Variants in SGCZ observed in about 807,000 individuals in gnomAD.
SGCZ encodes sarcoglycan zeta.
In SGCZ, 40 loss-of-function variants were observed where a neutral mutation model predicts 41.3. The ratio of observed to expected loss-of-function variants is 0.97; its 90% CI spans 0.75 to 1.26. The LOEUF is 1.26. Among genes scored for constraint, SGCZ ranks in the 50% most tolerant of loss-of-function variants. The probability of loss-of-function intolerance (pLI) is 0.00; values close to 1 mark genes in which losing one functional copy is unlikely to be tolerated. For missense variants in SGCZ, 552 were observed against 369.8 expected (o/e 1.49, Z -4.04); for synonymous variants, 206 against 137.5 (o/e 1.50, Z -3.49).
At chr8:14,961,220 AT>A (rs1443361271) in intron 1 of SGCZ, among the ~76,000 whole-genome samples, 4 of 152,022 alleles carry the variant, frequency 2.6e-5, no homozygotes, top group African/African-American at 9.7e-5. Flanking sequence ...TTTTATCAAT[AT>A]TTTTATTAGT....
At position 14,633,308 on chromosome 8, in the gene SGCZ, G is replaced by A. The variant is rs1470815240; in HGVS notation, c.40-78382C>T. On this transcript the variant is annotated intron_variant, in intron 1 of 7. Transcript: ENST00000382080. ...GGGACATAATGAGGTTTGAATTTTA[G>A]CATTCTCATTATTAGCACTGTGACT... 7.9e-5 allele frequency among the ~76,000 whole-genome samples: 12 copies of A among 151,974 alleles called. No individual in the cohort carries two copies. The East Asian group carries it at 2.3e-3, about 30-fold the overall frequency.
At chr8:14,632,828 T>C (rs1368045201) in intron 1 of SGCZ, among the ~76,000 whole-genome samples, 1 of 152,064 alleles carries the variant, frequency 6.6e-6, no homozygotes, top group Non-Finnish European at 1.5e-5. Context: ...TACAGCATTC[T>C]GCATAGAGGA....
intron 2 of SGCZ, among the ~76,000 whole-genome samples, chr8:14,491,140 A>G (rs36088270): frequency 0.48 from 72,377 of 151,654 alleles, 17,359 homozygotes; most frequent in Admixed American, 0.54. Flanking sequence ...GTTACTTTTG[A>G]CTATGTTTGG....
chr8:14,997,685 T>G (rs913545132), intron 1 of SGCZ, among the ~76,000 whole-genome samples: 8 of 152,102 alleles, frequency 5.3e-5, no homozygotes, highest in Admixed American at 6.6e-5. Flanking sequence ...CCTGGCAGGG[T>G]GCAGTGGCTC....
At chr8:14,245,157 T>C (rs1456153779) in intron 3 of SGCZ, among the ~76,000 whole-genome samples, 3 of 152,316 alleles carry the variant, frequency 2.0e-5, no homozygotes, top group East Asian at 3.9e-4. Context: ...AGAAAGGGCA[T>C]ACCTGTCTTG....
At chr8:14,268,552 C>A (rs1167235853) in intron 3 of SGCZ, among the ~76,000 whole-genome samples, 2 of 151,636 alleles carry the variant, frequency 1.3e-5, no homozygotes, top group African/African-American at 2.4e-5. Context: ...TGGTGGTCTG[C>A]GTATCGAAAT....
chr8:14,980,650 G>A (rs549457454), intron 1 of SGCZ, among the ~76,000 whole-genome samples: 7 of 152,224 alleles, frequency 4.6e-5, no homozygotes, highest in South Asian at 2.1e-4. Context: ...ATGCAGAAGC[G>A]GAAACCCCTG....
rs139606414 is a variant in SGCZ, at chr8:14,829,577, G to A, written c.40-274651C>T. 1.1e-4 allele frequency among the ~76,000 whole-genome samples: 16 copies of A among 152,238 alleles called. No individual in the cohort carries two copies. In the East Asian group the frequency reaches 2.9e-3, roughly 28 times the overall value. The stretch of plus-strand genomic sequence containing the variant: ...TGAACAAGAAATTAAGGTTGTTAAT[G>A]TAAATGATTCCTAAGTGCCTTAAAC... On this transcript the variant is annotated intron_variant, in intron 1 of 7. Transcript: ENST00000382080.
chr8:14,526,722 T>C (rs1802960788), intron 2 of SGCZ, among the ~76,000 whole-genome samples: 1 of 152,140 alleles, frequency 6.6e-6, no homozygotes, highest in South Asian at 2.1e-4. Context: ...GAGTGTGAAA[T>C]GCATATCACA....
At chr8:15,142,917 C>T (rs1460882244) in intron 1 of SGCZ, among the ~76,000 whole-genome samples, 1 of 152,068 alleles carries the variant, frequency 6.6e-6, no homozygotes, top group African/African-American at 2.4e-5. Flanking sequence ...GCCAAAAATG[C>T]TACTTTAAAT....
At chr8:14,400,322 C>G (rs1348635702) in intron 2 of SGCZ, among the ~76,000 whole-genome samples, 3 of 152,086 alleles carry the variant, frequency 2.0e-5, no homozygotes. Flanking sequence ...TACAAGCATG[C>G]ATGAACAAGA....
At position 14,804,265 on chromosome 8, in the gene SGCZ, A is replaced by G. The variant is rs994302424; in HGVS notation, c.40-249339T>C. On this transcript the variant is annotated intron_variant, in intron 1 of 7. Transcript: ENST00000382080. ...ACGAGCTGAGAGAAGAAGGCTTCAG[A>G]TGATCAAATTACTCTGAGCTACGGG... is the stretch of plus-strand genomic sequence containing the variant. Among the ~76,000 whole-genome samples, 16 of 96,896 alleles carry G rather than the reference A, an allele frequency of 1.7e-4. 2 individuals are homozygous for G. The highest frequency in any genetic ancestry group is 3.7e-4 in the Admixed American group (3 of 8,076). The allele number at this position is 96,896 out of a possible 152,430, so 63.6% of individuals were successfully genotyped here. A position where few individuals can be genotyped will look rare whatever the true frequency, so the allele number is the denominator to read the frequency against.
chr8:15,070,823 T>G (rs1015345503), intron 1 of SGCZ, among the ~76,000 whole-genome samples: 6 of 152,200 alleles, frequency 3.9e-5, no homozygotes, highest in Non-Finnish European at 8.8e-5. Context: ...GAGAACAACT[T>G]AGTAGCATAG....
chr8:14,212,123 C>A (rs1454972178), intron 4 of SGCZ, among the ~76,000 whole-genome samples: 1 of 152,050 alleles, frequency 6.6e-6, no homozygotes, highest in Non-Finnish European at 1.5e-5. Flanking sequence ...TGAGGCTTGG[C>A]ATCTCCCAGC....
chr8:14,742,604 C>A (rs181427391), intron 1 of SGCZ, among the ~76,000 whole-genome samples: 1 of 152,040 alleles, frequency 6.6e-6, no homozygotes, highest in South Asian at 2.1e-4. Context: ...AAAATTGTAC[C>A]TATTGTATAC....
At chr8:14,528,835 A>AT (rs138832547) in intron 2 of SGCZ, among the ~76,000 whole-genome samples, 77,568 of 123,906 alleles carry the variant, frequency 0.63, 21,846 homozygotes, top group South Asian at 0.73. Context: ...GCCAAAAAAA[A>AT]AACAAAACAA....
intron 1 of SGCZ, among the ~76,000 whole-genome samples, chr8:14,815,819 G>T (rs914801660): frequency 3.3e-5 from 5 of 152,184 alleles, no homozygotes; most frequent in Non-Finnish European, 1.5e-5. Flanking sequence ...TAAAACTGAT[G>T]TTATGTGTGA....
chr8:14,484,368 C>G (rs912222296), intron 2 of SGCZ, among the ~76,000 whole-genome samples: 2 of 152,094 alleles, frequency 1.3e-5, no homozygotes, highest in South Asian at 2.1e-4. Flanking sequence ...GTGACCACAG[C>G]AAGTCATATA....
chr8:14,305,623 T>G (rs1415706338), intron 3 of SGCZ, among the ~76,000 whole-genome samples: 1 of 152,154 alleles, frequency 6.6e-6, no homozygotes, highest in Non-Finnish European at 1.5e-5. Flanking sequence ...ATTACTAAAC[T>G]ACAAAATAAA....
Sources: gnomAD v4.1 joint callset for allele counts (sites outside exome capture counted in the v4.1 genomes callset) on GRCh38, gnomAD v4.1.1 for gene constraint, MANE v1.5 for transcripts, NCBI Gene and HGNC (gene_info 2026-07-23, HGNC 2026-07-21) for gene names.